FZD8: variants seen among roughly 807,000 people sequenced by gnomAD.
FZD8 encodes the protein frizzled class receptor 8, also known as frizzled-8.
Under a neutral mutation model 46.0 loss-of-function variants are expected in FZD8, and 18 were observed. That is an observed-to-expected ratio of 0.39 (90% CI 0.27 to 0.58). The LOEUF (loss-of-function observed/expected upper bound fraction) is 0.58. Among genes scored for constraint, FZD8 ranks in the 20% least tolerant of loss-of-function variants. FZD8 has a pLI of 0.55. For missense variants in FZD8, 785 were observed against 983.4 expected (o/e 0.80, Z 2.70); for synonymous variants, 586 against 467.9 (o/e 1.25, Z -3.26).
chr10:35,641,485 G>GGC lies in FZD8; in HGVS notation c.-57_-56insGC, dbSNP rs869102112. 8.2e-5 allele frequency: 103 copies of GGC among 1,251,590 alleles called. No individual in the cohort carries two copies. The highest frequency in any genetic ancestry group is 7.4e-4 in the Admixed American group (23 of 30,944). 77.5% of individuals were successfully genotyped at this position (1,251,590 alleles called of 1,614,324 possible). A position where few individuals can be genotyped will look rare whatever the true frequency, so the allele number is the denominator to read the frequency against. On this transcript the variant is annotated 5_prime_UTR_variant, in exon 1 of 1. Coordinates refer to ENST00000374694, the MANE Select transcript of FZD8 (RefSeq NM_031866.3). The surrounding 1 kb of genome is among the most constrained non-coding windows in gnomAD (Gnocchi z 6.3). ...TCCAGGCGGCGCGCAGAGGGGTGCC[G>GGC]GGGGGGGGGCCCACGAGAGAGCCGC...
At position 35,639,388 on chromosome 10, in the gene FZD8, C is replaced by T. The variant is rs749640685; in HGVS notation, c.2042G>A (p.Ser681Asn). The T allele has an allele frequency of 1.4e-6, 2 of 1,481,366 alleles. No individual in the cohort carries two copies. Among genetic ancestry groups the T allele is most frequent in the South Asian group, 2.5e-5 (2 of 79,688 alleles). 91.8% of individuals were successfully genotyped at this position (1,481,366 alleles called of 1,614,324 possible). Residue 681 changes from serine to asparagine, a missense_variant, in exon 1 of 1, where the codon AGC becomes AAC. By Grantham distance (46) the Ser-to-Asn change is conservative. This residue lies in a region of FZD8 where 185 missense variants were observed against 180.8 expected (regional missense o/e 1.02). Transcript: ENST00000374694. ...TGLTWRSGTASSVSYPKQMPL... is the reference protein window; with the variant it reads ...TGLTWRSGTANSVSYPKQMPL... ...CATCTGCTTTGGATAAGACACGGAGCTCGCCGTGCCCGACCGCCACGTCAG... is the reference window on the plus strand; with the variant it reads ...CATCTGCTTTGGATAAGACACGGAGTTCGCCGTGCCCGACCGCCACGTCAG...
In FZD8 at chr10:35,642,293, T is replaced by A. The variant is rs1364975667; in HGVS notation, c.-864A>T. 3 of 151,788 alleles carry A rather than the reference T, an allele frequency of 2.0e-5. No individual in the cohort carries two copies. The highest frequency in any genetic ancestry group is 3.9e-4 in the East Asian group (2 of 5,096). 9.4% of individuals were successfully genotyped at this position (151,788 alleles called of 1,614,324 possible). A position where few individuals can be genotyped will look rare whatever the true frequency, so the allele number is the denominator to read the frequency against. On this transcript the variant is annotated 5_prime_UTR_variant, in exon 1 of 1. Transcript: ENST00000374694. ...CCCAACTTCCCGGCTCCAGCCCCGC[T>A]CGCGCCGCGCTGCCGGCTCATGAAT...
rs1174267247 is a variant in FZD8, at chr10:35,640,368, G to GCCCGCGCCCCCAGCGCCC, written c.1044_1061dup (p.Gly351_Ala356dup). On this transcript the variant is annotated inframe_insertion, in exon 1 of 1. Coordinates refer to ENST00000374694, the MANE Select transcript of FZD8 (RefSeq NM_031866.3). The stretch of plus-strand genomic sequence containing the variant: ...CCGCGCCCGCGCCCGCCGCCGCGCC[G>GCCCGCGCCCCCAGCGCCC]CCCGCGCCCCCAGCGCCCCCCGCGC... 1 of 973,202 alleles carries GCCCGCGCCCCCAGCGCCC rather than the reference G, an allele frequency of 1.0e-6. No homozygotes were observed. Among genetic ancestry groups the GCCCGCGCCCCCAGCGCCC allele is most frequent in the Non-Finnish European group, 1.2e-6 (1 of 818,922 alleles). 60.3% of individuals were successfully genotyped at this position (973,202 alleles called of 1,614,324 possible).
Position 35,641,928 on chromosome 10 carries a change from G to T in FZD8, c.-499C>A, listed in dbSNP as rs1002319083. On this transcript the variant is annotated 5_prime_UTR_variant, in exon 1 of 1. Coordinates refer to ENST00000374694, the MANE Select transcript of FZD8 (RefSeq NM_031866.3). The surrounding 1 kb of genome is among the most constrained non-coding windows in gnomAD (Gnocchi z 6.3). ...GCTGGGCCGGGCCGCTTGCCGCGCC[G>T]GGTCAGCCCTGGCGGCCACCACTCG... 5.2e-5 allele frequency: 8 copies of T among 152,770 alleles called. No individual in the cohort carries two copies. In the East Asian group the frequency reaches 1.4e-3, roughly 26 times the overall value. The allele number at this position is 152,770 out of a possible 1,614,324, so 9.5% of individuals were successfully genotyped here. A position where few individuals can be genotyped will look rare whatever the true frequency, so the allele number is the denominator to read the frequency against.
In FZD8 at chr10:35,639,751, C is replaced by A. The variant is rs768002036; in HGVS notation, c.1679G>T (p.Arg560Leu). The A allele has an allele frequency of 3.1e-6, 5 of 1,600,548 alleles. No homozygotes were observed. The highest frequency in any genetic ancestry group is 4.2e-6 in the Non-Finnish European group (5 of 1,179,764). ...CGGGCAGTTGTGCGTGGCCTCCCAG[C>A]GCGGGCGGTTGTGCTGCTCGTAGAA... ...CLFYEQHNRPRWEATHNCPCL... is the reference protein window; with the variant it reads ...CLFYEQHNRPLWEATHNCPCL... Residue 560 changes from arginine (R) to leucine (L), a missense_variant, in exon 1 of 1, where the codon CGC (arginine) becomes CTC (leucine). Arg to Leu is a moderately radical substitution (Grantham distance 102). Around this residue, in one of 5 missense-constraint regions of FZD8, gnomAD observed 147 missense variants for 242.5 expected, o/e 0.61. Transcript: ENST00000374694.
chr10:35,640,857 C>A lies in FZD8; in HGVS notation c.573G>T (p.Pro191=). The change falls in exon 1 of 1, where the codon CCG becomes CCT. Residue 191 remains proline, a synonymous_variant. Transcript: ENST00000374694. ...CACCGCCCCTGCCGCCGCCGCGGTG[C>A]GGGGGCCTGGCCCCCGGCGGGCGGC... ...GHGRPPGARP[P]HRGGGRGGGG... 6.1e-6 allele frequency: 6 copies of A among 977,800 alleles called. No homozygotes were observed. Among genetic ancestry groups the A allele is most frequent in the Non-Finnish European group, 7.3e-6 (6 of 826,694 alleles). The allele number at this position is 977,800 out of a possible 1,614,324, so 60.6% of individuals were successfully genotyped here.
In FZD8 at chr10:35,638,841, T is replaced by A. The variant is rs1835802440; in HGVS notation, c.*504A>T. 6.5e-6 allele frequency: 1 copy of A among 152,720 alleles called. No homozygotes were observed. The highest frequency in any genetic ancestry group is 1.5e-5 in the Non-Finnish European group (1 of 68,050). The allele number at this position is 152,720 out of a possible 1,614,324, so 9.5% of individuals were successfully genotyped here. ...ATAATTAAGACATTTCTTGTTTGTT[T>A]ACTTAAGGCATTTGCCTGGTCATTA... On this transcript the variant is annotated 3_prime_UTR_variant, in exon 1 of 1. Coordinates refer to ENST00000374694, the MANE Select transcript of FZD8 (RefSeq NM_031866.3).
rs1389830193 is a variant in FZD8 at position 35,639,421 on chromosome 10, C to G, written c.2009G>C (p.Ser670Thr). 1.5e-6 allele frequency: 2 copies of G among 1,356,770 alleles called. No homozygotes were observed. The highest frequency in any genetic ancestry group is 4.8e-5 in the Admixed American group (2 of 41,438). 84.0% of individuals were successfully genotyped at this position (1,356,770 alleles called of 1,614,324 possible). Residue 670 changes from serine (S) to threonine (T), a missense_variant, in exon 1 of 1, where the codon AGC becomes ACC. Around this residue, in one of 5 missense-constraint regions of FZD8, gnomAD observed 185 missense variants for 180.8 expected, o/e 1.02. Transcript: ENST00000374694. Reference sequence around the variant, plus strand: ...GCCCGACCGCCACGTCAGGCCAGTGCTGACGTCGCTGTAGAGGGAGCCCCC... The same window carrying G: ...GCCCGACCGCCACGTCAGGCCAGTGGTGACGTCGCTGTAGAGGGAGCCCCC... ...GGGGSLYSDV[S>T]TGLTWRSGTA...
chr10:35,638,786 A>G lies in FZD8; in HGVS notation c.*559T>C, dbSNP rs1045846890. On this transcript the variant is annotated 3_prime_UTR_variant, in exon 1 of 1. Coordinates refer to ENST00000374694, the MANE Select transcript of FZD8 (RefSeq NM_031866.3). The stretch of plus-strand genomic sequence containing the variant: ...AATAATTATATAAATACATCCTCTA[A>G]TGTAAGAAACCCGTATTTACGTGGG... 7.2e-5 allele frequency: 11 copies of G among 152,422 alleles called. No homozygotes were observed. The highest frequency in any genetic ancestry group is 2.7e-4 in the African/African-American group (11 of 41,372). 9.4% of individuals were successfully genotyped at this position (152,422 alleles called of 1,614,324 possible).
chr10:35,639,304 G>GGC lies in FZD8; in HGVS notation c.*40_*41insGC. ...CCCTTCGCTGCACTTGGCTCTCCTC[G>GGC]CCCCCCTCCCCACCCCTCCTGGGCG... On this transcript the variant is annotated 3_prime_UTR_variant, in exon 1 of 1. Coordinates refer to ENST00000374694, the MANE Select transcript of FZD8 (RefSeq NM_031866.3). 2.4e-6 allele frequency: 2 copies of GGC among 826,700 alleles called. No individual in the cohort carries two copies. The highest frequency in any genetic ancestry group is 3.5e-6 in the Non-Finnish European group (2 of 565,358). The allele number at this position is 826,700 out of a possible 1,614,324, so 51.2% of individuals were successfully genotyped here. A position where few individuals can be genotyped will look rare whatever the true frequency, so the allele number is the denominator to read the frequency against.
Position 35,639,307 on chromosome 10 carries a change from C to T in FZD8, c.*38G>A. 1.3e-6 allele frequency: 1 copy of T among 799,814 alleles called. No individual in the cohort carries two copies. The highest frequency in any genetic ancestry group is 1.9e-6 in the Non-Finnish European group (1 of 539,994). The allele number at this position is 799,814 out of a possible 1,614,324, so 49.5% of individuals were successfully genotyped here. A position where few individuals can be genotyped will look rare whatever the true frequency, so the allele number is the denominator to read the frequency against. On this transcript the variant is annotated 3_prime_UTR_variant, in exon 1 of 1. Coordinates refer to ENST00000374694, the MANE Select transcript of FZD8 (RefSeq NM_031866.3). ...TTCGCTGCACTTGGCTCTCCTCGCC[C>T]CCCTCCCCACCCCTCCTGGGCGCCC...
rs1426809951 is a variant in FZD8, at chr10:35,640,935, G to A, written c.495C>T (p.Arg165=). ...DLTTAAPSPP[R]RLPPPPPGEQ... ...CGCCGGGCGGCGGCGGCGGCAGGCG[G>A]CGCGGCGGGCTGGGCGCGGCGGTGG... The change falls in exon 1 of 1, where the codon CGC becomes CGT. Residue 165 remains arginine (R), a synonymous_variant. Transcript: ENST00000374694. The A allele has an allele frequency of 3.4e-5, 44 of 1,299,824 alleles. No homozygotes were observed. The highest frequency in any genetic ancestry group is 4.2e-5 in the Non-Finnish European group (43 of 1,024,850). The allele number at this position is 1,299,824 out of a possible 1,614,324, so 80.5% of individuals were successfully genotyped here. A position where few individuals can be genotyped will look rare whatever the true frequency, so the allele number is the denominator to read the frequency against.
chr10:35,639,626 C>T lies in FZD8; in HGVS notation c.1804G>A (p.Val602Met), dbSNP rs1588705622. Residue 602 changes from valine (V) to methionine (M), a missense_variant, in exon 1 of 1, where the codon GTG becomes ATG. By Grantham distance (21) the Val-to-Met change is conservative. This residue lies in a region of FZD8 where 185 missense variants were observed against 180.8 expected (regional missense o/e 1.02). Coordinates refer to ENST00000374694, the MANE Select transcript of FZD8 (RefSeq NM_031866.3). ...MCLVVGITSG[V>M]WVWSGKTLES... is the part of the protein sequence containing the mutation. ...AGCGTCTTGCCGGACCAGACCCACACGCCCGAGGTGATGCCCACCACTAGG... is the reference window on the plus strand; with the variant it reads ...AGCGTCTTGCCGGACCAGACCCACATGCCCGAGGTGATGCCCACCACTAGG... 3 of 1,598,298 alleles carry T rather than the reference C, an allele frequency of 1.9e-6. No individual in the cohort carries two copies. Among genetic ancestry groups the T allele is most frequent in the East Asian group, 2.2e-5 (1 of 44,844 alleles).
rs1012453565 is a variant in FZD8, at chr10:35,641,634, CTTCCGCACTCCT to C, written c.-217_-206del. ...CGCGGCCCGCAGCCTGGGCAGGGCC[CTTCCGCACTCCT>C]TTCCGCCGCTCCGGGGGTTTGAAGG... On this transcript the variant is annotated 5_prime_UTR_variant, in exon 1 of 1. Coordinates refer to ENST00000374694, the MANE Select transcript of FZD8 (RefSeq NM_031866.3). This position sits in a 1 kb window ranked among gnomAD's most constrained non-coding sequence, Gnocchi z 6.3. 26 of 627,278 alleles carry C rather than the reference CTTCCGCACTCCT, an allele frequency of 4.1e-5. No individual in the cohort carries two copies. Among genetic ancestry groups the C allele is most frequent in the Non-Finnish European group, 6.1e-5 (23 of 374,868 alleles). The allele number at this position is 627,278 out of a possible 1,614,324, so 38.9% of individuals were successfully genotyped here. A position where few individuals can be genotyped will look rare whatever the true frequency, so the allele number is the denominator to read the frequency against.
Position 35,641,494 on chromosome 10 carries a change from G to T in FZD8, c.-65C>A. The T allele has an allele frequency of 2.0e-6, 3 of 1,506,092 alleles. No individual in the cohort carries two copies. Among genetic ancestry groups the T allele is most frequent in the Non-Finnish European group, 2.6e-6 (3 of 1,134,904 alleles). 93.3% of individuals were successfully genotyped at this position (1,506,092 alleles called of 1,614,324 possible). ...CGCGCAGAGGGGTGCCGGGGGGGGG[G>T]CCCACGAGAGAGCCGCAGACGGGTA... On this transcript the variant is annotated 5_prime_UTR_variant, in exon 1 of 1. Coordinates refer to ENST00000374694, the MANE Select transcript of FZD8 (RefSeq NM_031866.3). The surrounding 1 kb of genome is among the most constrained non-coding windows in gnomAD (Gnocchi z 6.3).
In FZD8 at chr10:35,641,187, C is replaced by A; in HGVS notation, c.243G>T (p.Ser81=). ...QFWPLVEIQC[S]PDLKFFLCSM... is the part of the protein sequence containing the mutation. ...TGCACAGGAAGAACTTGAGATCGGG[C>A]GAGCACTGGATCTCCACCAGCGGCC... The change falls in exon 1 of 1, where the codon TCG becomes TCT. Residue 81 remains serine (S), a synonymous_variant. Coordinates refer to ENST00000374694, the MANE Select transcript of FZD8 (RefSeq NM_031866.3). This position sits in a 1 kb window ranked among gnomAD's most constrained non-coding sequence, Gnocchi z 6.3. The A allele has an allele frequency of 1.2e-6, 2 of 1,613,900 alleles. No homozygotes were observed. The highest frequency in any genetic ancestry group is 2.7e-5 in the African/African-American group (2 of 75,030).
In FZD8 at chr10:35,640,257, G is replaced by C. The variant is rs1451102529; in HGVS notation, c.1173C>G (p.Thr391=). 2 of 1,606,924 alleles carry C rather than the reference G, an allele frequency of 1.2e-6. No homozygotes were observed. The highest frequency in any genetic ancestry group is 8.5e-7 in the Non-Finnish European group (1 of 1,179,406). Residue 391 remains threonine (T), a synonymous_variant, in exon 1 of 1, where the codon ACC becomes ACG. Coordinates refer to ENST00000374694, the MANE Select transcript of FZD8 (RefSeq NM_031866.3). ...AVEQHVRYET[T]GPALCTVVFL... ...AGACCACGGTGCACAGCGCGGGGCCGGTGGTCTCGTAGCGCACGTGCTGCT... is the reference window on the plus strand; with the variant it reads ...AGACCACGGTGCACAGCGCGGGGCCCGTGGTCTCGTAGCGCACGTGCTGCT...
In FZD8 at chr10:35,641,659, G is replaced by A. The variant is rs1835865848; in HGVS notation, c.-230C>T. 5.6e-6 allele frequency: 3 copies of A among 538,068 alleles called. No individual in the cohort carries two copies. Among genetic ancestry groups the A allele is most frequent in the Admixed American group, 3.5e-5 (1 of 28,978 alleles). The allele number at this position is 538,068 out of a possible 1,614,324, so 33.3% of individuals were successfully genotyped here. Reference sequence around the variant, plus strand: ...CTTCCGCACTCCTTTCCGCCGCTCCGGGGGTTTGAAGGCGGCTGCAGGCGC... The same window carrying A: ...CTTCCGCACTCCTTTCCGCCGCTCCAGGGGTTTGAAGGCGGCTGCAGGCGC... On this transcript the variant is annotated 5_prime_UTR_variant, in exon 1 of 1. Transcript: ENST00000374694. This position sits in a 1 kb window ranked among gnomAD's most constrained non-coding sequence, Gnocchi z 6.3.
chr10:35,640,344 C>A lies in FZD8; in HGVS notation c.1086G>T (p.Ala362=), dbSNP rs1488314770. Residue 362 remains alanine, a synonymous_variant, in exon 1 of 1, where the codon GCG becomes GCT. Transcript: ENST00000374694. Reference sequence around the variant, plus strand: ...CCGGGCCGCCCGCGCCCGCGCCCGCCGCGCCCGCGCCCGCCGCCGCGCCGC... The same window carrying A: ...CCGGGCCGCCCGCGCCCGCGCCCGCAGCGCCCGCGCCCGCCGCCGCGCCGC... ...GAGGAAAGAG[A]AGAGAGGPGG... is the part of the protein sequence containing the mutation. 1.0e-6 allele frequency: 1 copy of A among 963,280 alleles called. No homozygotes were observed. The highest frequency in any genetic ancestry group is 1.8e-5 in the African/African-American group (1 of 56,058). 59.7% of individuals were successfully genotyped at this position (963,280 alleles called of 1,614,324 possible). A position where few individuals can be genotyped will look rare whatever the true frequency, so the allele number is the denominator to read the frequency against.
Sources: gnomAD v4.1 joint callset for allele counts on GRCh38, gnomAD v4.1.1 for gene constraint, gnomAD v4.1.1 regional missense constraint, Gnocchi (gnomAD v3.1) non-coding constraint, MANE v1.5 for transcripts, NCBI Gene and HGNC (gene_info 2026-07-23, HGNC 2026-07-21) for gene names.